AGBL4: variants seen among roughly 807,000 people sequenced by gnomAD.
The protein encoded by AGBL4 is cytosolic carboxypeptidase 6.
A neutral mutation model predicts 66.4 loss-of-function variants in AGBL4; 58 were observed. The observed-to-expected ratio is 0.87, with a 90% CI of 0.71 to 1.09. The LOEUF is 1.09. Among genes scored for constraint, AGBL4 ranks in the 50% least tolerant of loss-of-function variants. The pLI, the probability that AGBL4 is intolerant of heterozygous loss-of-function variation, is 0.00. For synonymous variants in AGBL4, 234 were observed against 222.9 expected (o/e 1.05, Z -0.44); for missense variants, 579 against 631.0 (o/e 0.92, Z 0.88).
intron 6 of AGBL4, among the ~76,000 whole-genome samples, chr1:48,823,845 A>G (rs1646368388): frequency 6.6e-6 from 1 of 152,218 alleles, no homozygotes. Flanking sequence ...TTTCAGGTCT[A>G]TTTATTTCAT....
intron 3 of AGBL4, among the ~76,000 whole-genome samples, chr1:49,475,926 T>C (rs992133419): frequency 2.6e-5 from 4 of 152,090 alleles, no homozygotes; most frequent in African/African-American, 7.2e-5. Flanking sequence ...CTCAGTTTCA[T>C]TTAGTTATGC....
At position 48,814,933 on chromosome 1, in the gene AGBL4, G is replaced by A. The variant is rs904471845; in HGVS notation, c.634+52258C>T. Among the ~76,000 whole-genome samples, 12 of 152,152 alleles carry A rather than the reference G, an allele frequency of 7.9e-5. No homozygotes were observed. In the South Asian group the frequency reaches 1.7e-3, roughly 21 times the overall value. On this transcript the variant is annotated intron_variant, in intron 6 of 13. Coordinates refer to ENST00000371839, the MANE Select transcript of AGBL4 (RefSeq NM_032785.4). ...TAAATGCCCAGTAGTGGGATTGCTG[G>A]ATCATGTAGTAGCTCTATTTGTACT...
At chr1:48,638,997 C>T (rs1173037415) in intron 8 of AGBL4, among the ~76,000 whole-genome samples, 1 of 152,148 alleles carries the variant, frequency 6.6e-6, no homozygotes, top group Admixed American at 6.5e-5. Flanking sequence ...ACTCAGGTGT[C>T]CCGTTCTGGA....
intron 3 of AGBL4, among the ~76,000 whole-genome samples, chr1:49,540,751 T>G (rs956801193): frequency 3.3e-5 from 5 of 152,194 alleles, no homozygotes; most frequent in Non-Finnish European, 7.3e-5. Flanking sequence ...ATGAATCATT[T>G]TAATCATTCA....
At chr1:48,640,925 A>C (rs1645744783) in intron 8 of AGBL4, among the ~76,000 whole-genome samples, 1 of 152,156 alleles carries the variant, frequency 6.6e-6, no homozygotes, top group East Asian at 1.9e-4. Flanking sequence ...CAATGATTTC[A>C]ATTCCCCTCC....
chr1:49,080,269 A>G (rs1460563879), intron 4 of AGBL4, among the ~76,000 whole-genome samples: 3 of 152,184 alleles, frequency 2.0e-5, no homozygotes, highest in Non-Finnish European at 4.4e-5. Flanking sequence ...AAGCTGAACT[A>G]TTTTCAAAGG....
chr1:49,939,045 T>C (rs1571913933), intron 1 of AGBL4, among the ~76,000 whole-genome samples: 1 of 151,956 alleles, frequency 6.6e-6, no homozygotes. Context: ...ACAAGCATTC[T>C]TATACACCAA....
intron 2 of AGBL4, among the ~76,000 whole-genome samples, chr1:49,706,295 G>C (rs1257041420): frequency 6.6e-6 from 1 of 152,070 alleles, no homozygotes; most frequent in East Asian, 1.9e-4. Context: ...TTGTGTCCAG[G>C]AATTCATCCA....
At chr1:49,203,153 C>A (rs1371050459) in intron 4 of AGBL4, among the ~76,000 whole-genome samples, 2 of 149,110 alleles carry the variant, frequency 1.3e-5, no homozygotes, top group East Asian at 3.9e-4. Context: ...GAAAATGGAA[C>A]TTTTGTGCAC....
At chr1:49,664,537 G>C (rs1056770334) in intron 3 of AGBL4, among the ~76,000 whole-genome samples, 2 of 152,010 alleles carry the variant, frequency 1.3e-5, no homozygotes, top group East Asian at 3.9e-4. Flanking sequence ...CAAGAACATA[G>C]CTAATCTATT....
downstream of AGBL4, among the ~76,000 whole-genome samples, chr1:48,528,209 C>G (rs1410977006): frequency 6.6e-6 from 1 of 152,170 alleles, no homozygotes; most frequent in East Asian, 1.9e-4. Context: ...CTCCATAATA[C>G]TACCTGAAGG....
intron 6 of AGBL4, among the ~76,000 whole-genome samples, chr1:48,698,748 C>T (rs564747923): frequency 2.0e-5 from 3 of 152,332 alleles, no homozygotes; most frequent in Non-Finnish European, 2.9e-5. Context: ...GGGACAGGTA[C>T]GTTACATGTA....
At chr1:49,502,857 G>A (rs1353424718) in intron 3 of AGBL4, among the ~76,000 whole-genome samples, 1 of 152,076 alleles carries the variant, frequency 6.6e-6, no homozygotes, top group African/African-American at 2.4e-5. Flanking sequence ...AGGTGACAGA[G>A]CATAAAAATT....
intron 1 of AGBL4, among the ~76,000 whole-genome samples, chr1:49,855,981 T>C (rs1201641667): frequency 6.6e-6 from 1 of 151,362 alleles, no homozygotes; most frequent in Non-Finnish European, 1.5e-5. Context: ...AAAGATAAAA[T>C]CGATAAACTG....
chr1:49,823,181 AT>A (rs1246295361), intron 2 of AGBL4, among the ~76,000 whole-genome samples: 2 of 152,210 alleles, frequency 1.3e-5, no homozygotes, highest in Admixed American at 6.5e-5. Flanking sequence ...ATATTTTGGA[AT>A]TTATTTGTTA....
intron 4 of AGBL4, among the ~76,000 whole-genome samples, chr1:49,073,079 C>T (rs549684948): frequency 1.5e-4 from 23 of 152,220 alleles, no homozygotes; most frequent in Admixed American, 3.9e-4. Context: ...TCTCGTGCTA[C>T]GTTTTTCAGC....
At chr1:48,793,664 AAAC>A (rs1570687946) in intron 6 of AGBL4, among the ~76,000 whole-genome samples, 1 of 152,194 alleles carries the variant, frequency 6.6e-6, no homozygotes. Flanking sequence ...ACCCATTGAT[AAAC>A]AAAAAAGTTA....
intron 1 of AGBL4, among the ~76,000 whole-genome samples, chr1:49,864,268 T>TAGTC (rs1311046995): frequency 6.6e-6 from 1 of 152,138 alleles, no homozygotes; most frequent in Non-Finnish European, 1.5e-5. Flanking sequence ...CTGGAAAGGA[T>TAGTC]AGTCAGTGGC....
chr1:49,858,787 C>A (rs561857965), intron 1 of AGBL4, among the ~76,000 whole-genome samples: 1 of 152,030 alleles, frequency 6.6e-6, no homozygotes, highest in African/African-American at 2.4e-5. Flanking sequence ...GAGGCTGAGG[C>A]GGCAGATCAC....
Sources: allele counts gnomAD v4.1 joint callset (sites outside exome capture counted in the v4.1 genomes callset), GRCh38; gene constraint gnomAD v4.1.1; transcripts MANE v1.5; gene names NCBI Gene and HGNC (gene_info 2026-07-23, HGNC 2026-07-21).